PDE1B: variants seen among roughly 807,000 people sequenced by gnomAD.
The protein encoded by PDE1B is phosphodiesterase 1B.
In PDE1B, 13 loss-of-function variants were observed where a neutral mutation model predicts 66.7. The observed-to-expected ratio is 0.19, with a 90% confidence interval of 0.13 to 0.31. PDE1B has a LOEUF of 0.31. Among genes scored for constraint, PDE1B ranks in the 10% least tolerant of loss-of-function variants. The pLI is 1.00. For synonymous variants in PDE1B, 230 were observed against 253.9 expected, an observed-to-expected ratio of 0.91 and a Z score of 0.90; for missense variants, 485 against 682.3, an observed-to-expected ratio of 0.71 and a Z score of 3.22.
rs140798717 is a variant in PDE1B at position 54,577,211 on chromosome 12, A to G, written c.1508-14A>G. The stretch of plus-strand genomic sequence containing the variant: ...TCTTGGCCTAAGCTCAGCCTCCTTT[A>G]TGCTCCTCTACAGGCATCACCAACC... On this transcript the variant is annotated splice_polypyrimidine_tract_variant and intron_variant, in intron 14 of 15. Transcript: ENST00000243052. 3 of 1,607,514 alleles carry G rather than the reference A, an allele frequency of 1.9e-6. No homozygotes were observed. In the Admixed American group the frequency reaches 5.0e-5, roughly 27 times the overall value.
intron 2 of PDE1B, among the ~76,000 whole-genome samples, chr12:54,552,124 A>G (rs1957286148): frequency 6.6e-6 from 1 of 152,184 alleles, no homozygotes; most frequent in African/African-American, 2.4e-5. Flanking sequence ...ATCTATGTTG[A>G]TGGCCTACTG....
Position 54,575,468 on chromosome 12 carries a change from C to A in PDE1B, c.1186-83C>A. 17 of 961,792 alleles carry A rather than the reference C, an allele frequency of 1.8e-5. No homozygotes were observed. In the South Asian group the frequency reaches 1.8e-4, roughly 10 times the overall value. 59.6% of individuals were successfully genotyped at this position (961,792 alleles called of 1,614,324 possible). A position where few individuals can be genotyped will look rare whatever the true frequency, so the allele number is the denominator to read the frequency against. On this transcript the variant is annotated intron_variant, in intron 11 of 15. Coordinates refer to ENST00000243052, the MANE Select transcript of PDE1B (RefSeq NM_000924.4). The surrounding 1 kb of genome is among the most constrained non-coding windows in gnomAD (Gnocchi z 4.0). ...AGAAATTTCACACAACAACCCCCCA[C>A]CCCCACCACTTGCCACCTGTACCCC...
chr12:54,579,166 C>T lies in PDE1B; in HGVS notation c.*1324C>T. On this transcript the variant is annotated 3_prime_UTR_variant, in exon 16 of 16. Coordinates refer to ENST00000243052, the MANE Select transcript of PDE1B (RefSeq NM_000924.4). ...CCCCACCCCGAGAAGGGCAGAGACG[C>T]ATGTGACTCACCCCTGCCCTTGGTT... 1 of 767,164 alleles carries T rather than the reference C, an allele frequency of 1.3e-6. No individual in the cohort carries two copies. Among genetic ancestry groups the T allele is most frequent in the Non-Finnish European group, 1.6e-6 (1 of 631,102 alleles). The allele number at this position is 767,164 out of a possible 1,614,324, so 47.5% of individuals were successfully genotyped here. A position where few individuals can be genotyped will look rare whatever the true frequency, so the allele number is the denominator to read the frequency against.
intron 2 of PDE1B, among the ~76,000 whole-genome samples, chr12:54,553,543 C>G (rs1430443013): frequency 6.6e-6 from 1 of 152,116 alleles, no homozygotes; most frequent in African/African-American, 2.4e-5. Flanking sequence ...TAGTGTGATA[C>G]CTTGAACATA....
At chr12:54,558,165 ACTT>A (rs1305390776) in intron 2 of PDE1B, among the ~76,000 whole-genome samples, 1 of 152,080 alleles carries the variant, frequency 6.6e-6, no homozygotes, top group East Asian at 1.9e-4. Context: ...AGTCTCTCCC[ACTT>A]CTTCAGTGTG....
At position 54,573,711 on chromosome 12, in the gene PDE1B, T is replaced by G; in HGVS notation, c.1064+2T>G. The G allele has an allele frequency of 6.2e-7, 1 of 1,610,116 alleles. No individual in the cohort carries two copies. Among genetic ancestry groups the G allele is most frequent in the Non-Finnish European group, 8.5e-7 (1 of 1,176,872 alleles). On this transcript the variant is annotated splice_donor_variant, in intron 10 of 15. Transcript: ENST00000243052. LOFTEE classifies it high-confidence loss of function. The surrounding 1 kb of genome is among the most constrained non-coding windows in gnomAD (Gnocchi z 5.2). Reference sequence around the variant, plus strand: ...GACAGCCTTGCAACAGCTGGAGAGGTGGCATCTGGTGGGGTGTGGCTGGGG... The same window carrying G: ...GACAGCCTTGCAACAGCTGGAGAGGGGGCATCTGGTGGGGTGTGGCTGGGG...
intron 2 of PDE1B, among the ~76,000 whole-genome samples, chr12:54,564,372 C>G (rs1957476275): frequency 6.7e-6 from 1 of 150,264 alleles, no homozygotes; most frequent in Admixed American, 6.6e-5. Flanking sequence ...TGGCTCGTGT[C>G]TGTAATCCCA....
chr12:54,566,212 C>T (rs993648400), intron 2 of PDE1B, among the ~76,000 whole-genome samples: 32 of 152,296 alleles, frequency 2.1e-4, no homozygotes, highest in African/African-American at 7.2e-4. Flanking sequence ...AATGAGATCC[C>T]TGGGCCCACC....
intron 15 of PDE1B, chr12:54,577,630 A>C: frequency 7.3e-7 from 1 of 1,369,770 alleles, no homozygotes; most frequent in Non-Finnish European, 9.7e-7. Flanking sequence ...ACCGCACCTT[A>C]GGGAGGGTTA....
chr12:54,555,825 C>A (rs1957335417), intron 2 of PDE1B, among the ~76,000 whole-genome samples: 2 of 152,140 alleles, frequency 1.3e-5, no homozygotes, highest in African/African-American at 2.4e-5. Flanking sequence ...GCTCTTCTCC[C>A]TTGTCCCACT....
chr12:54,557,415 C>T (rs1957355490), intron 2 of PDE1B, among the ~76,000 whole-genome samples: 1 of 152,144 alleles, frequency 6.6e-6, no homozygotes, highest in East Asian at 1.9e-4. Context: ...TGGGTTAGAG[C>T]TGATTTGGGG....
At chr12:54,564,327 T>G (rs1314780795) in intron 2 of PDE1B, among the ~76,000 whole-genome samples, 1 of 126,392 alleles carries the variant, frequency 7.9e-6, no homozygotes, top group South Asian at 2.2e-4. Context: ...TGACCTTGTC[T>G]CTTAAAAAAA....
At chr12:54,571,393 G>A (rs1184217709) in intron 6 of PDE1B, 1 of 152,188 alleles carries the variant, frequency 6.6e-6, no homozygotes, top group Non-Finnish European at 1.5e-5. Context: ...GAGAATAGTA[G>A]GGCTCTCTTT....
At chr12:54,554,723 T>A (rs895777410) in intron 2 of PDE1B, among the ~76,000 whole-genome samples, 1 of 152,160 alleles carries the variant, frequency 6.6e-6, no homozygotes, top group African/African-American at 2.4e-5. Flanking sequence ...TGGGGAATTT[T>A]GGGAGACTTG....
chr12:54,569,860 C>G lies in PDE1B; in HGVS notation c.477+248C>G, dbSNP rs1369279494. 6.6e-6 allele frequency among the ~76,000 whole-genome samples: 1 copy of G among 152,058 alleles called. No homozygotes were observed. The highest frequency in any genetic ancestry group is 1.5e-5 in the Non-Finnish European group (1 of 67,998). On this transcript the variant is annotated intron_variant, in intron 5 of 15. Coordinates refer to ENST00000243052, the MANE Select transcript of PDE1B (RefSeq NM_000924.4). This position sits in a 1 kb window ranked among gnomAD's most constrained non-coding sequence, Gnocchi z 4.4. ...GATTACAGGTGCCCACCACCATGCC[C>G]AGCTAATTTTTGTAGTTTTAGTAGA...
rs892445970 is a variant in PDE1B, at chr12:54,578,309, C to T, written c.*467C>T. On this transcript the variant is annotated 3_prime_UTR_variant, in exon 16 of 16. Transcript: ENST00000243052. ...GGCAGGTCTGGGTGCCCCTTTTCCT[C>T]CCCTGGGAAGGGCTGGAATAGGATA... 6.6e-6 allele frequency: 1 copy of T among 152,260 alleles called. No homozygotes were observed. Among genetic ancestry groups the T allele is most frequent in the Admixed American group, 6.5e-5 (1 of 15,284 alleles). The allele number at this position is 152,260 out of a possible 1,614,324, so 9.4% of individuals were successfully genotyped here. A position where few individuals can be genotyped will look rare whatever the true frequency, so the allele number is the denominator to read the frequency against.
Position 54,576,657 on chromosome 12 carries a change from G to A in PDE1B, c.1463G>A (p.Arg488His), listed in dbSNP as rs755706489. The change falls in exon 14 of 16, where the codon CGC (arginine) becomes CAC (histidine). Residue 488 changes from arginine to histidine, a missense_variant. Physicochemically the swap from Arg to His is conservative, Grantham distance 29 (BLOSUM62 0). This residue lies in a region of PDE1B where 126 missense variants were observed against 133.8 expected (regional missense o/e 0.94). Coordinates refer to ENST00000243052, the MANE Select transcript of PDE1B (RefSeq NM_000924.4). ...VVSFRSTWVK[R>H]IQENKQKWKE... ...AGCTTTCGTTCCACCTGGGTCAAGC[G>A]CATTCAGGAGAATAAGCAGAAATGG... The A allele has an allele frequency of 1.2e-5, 20 of 1,613,466 alleles. No homozygotes were observed. The East Asian group carries it at 2.2e-4, about 18-fold the overall frequency.
At chr12:54,550,201 C>T in intron 2 of PDE1B, 2 of 1,398,458 alleles carry the variant, frequency 1.4e-6, no homozygotes, top group Non-Finnish European at 1.9e-6. Flanking sequence ...TTAGGAGTTG[C>T]AAAGGTAACG....
chr12:54,566,267 G>A (rs1410998382), intron 2 of PDE1B, among the ~76,000 whole-genome samples: 1 of 152,218 alleles, frequency 6.6e-6, no homozygotes, highest in Non-Finnish European at 1.5e-5. Context: ...GACAGAGGCA[G>A]GGGATGGGTA....
Sources: gnomAD v4.1 joint callset for allele counts (sites outside exome capture counted in the v4.1 genomes callset) on GRCh38, gnomAD v4.1.1 for gene constraint, gnomAD v4.1.1 regional missense constraint, Gnocchi (gnomAD v3.1) non-coding constraint, MANE v1.5 for transcripts, NCBI Gene and HGNC (gene_info 2026-07-23, HGNC 2026-07-21) for gene names.